Variants in SLCO5A1 observed in about 807,000 individuals in gnomAD.
SLCO5A1 encodes organic anion transporter polypeptide-related protein 4.
In SLCO5A1, 39 loss-of-function variants were observed where a neutral mutation model predicts 65.1. That is an observed-to-expected ratio of 0.60 (90% CI 0.46 to 0.78). The LOEUF (loss-of-function observed/expected upper bound fraction) is 0.78. SLCO5A1 is among the 30% of genes least tolerant of loss of function. The pLI, the probability that SLCO5A1 is intolerant of heterozygous loss-of-function variation, is 0.00. For synonymous variants in SLCO5A1, 438 were observed against 415.7 expected (o/e 1.05, Z -0.65); for missense variants, 1,029 against 1,069.4 (o/e 0.96, Z 0.53).
At chr8:69,821,289 G>A (rs1820626772) in intron 2 of SLCO5A1, among the ~76,000 whole-genome samples, 1 of 152,052 alleles carries the variant, frequency 6.6e-6, no homozygotes, top group African/African-American at 2.4e-5. Flanking sequence ...AACCTGGGAG[G>A]TGGAGGTTGC....
intron 5 of SLCO5A1, among the ~76,000 whole-genome samples, chr8:69,706,285 A>G (rs1814965400): frequency 6.6e-6 from 1 of 152,172 alleles, no homozygotes; most frequent in Admixed American, 6.5e-5. Context: ...TATGAAGAAA[A>G]CCCAGGAGTA....
At chr8:69,697,702 T>C (rs988097194) in intron 6 of SLCO5A1, among the ~76,000 whole-genome samples, 1 of 152,112 alleles carries the variant, frequency 6.6e-6, no homozygotes, top group Non-Finnish European at 1.5e-5. Flanking sequence ...AAAAAAAGTA[T>C]TCTGAAAACT....
chr8:69,682,271 C>G lies in SLCO5A1; in HGVS notation c.1695G>C (p.Glu565Asp). 1.2e-6 allele frequency: 2 copies of G among 1,612,508 alleles called. No individual in the cohort carries two copies. Among genetic ancestry groups the G allele is most frequent in the South Asian group, 1.1e-5 (1 of 90,716 alleles). ...CNVNCGCKIH[E>D]YEPVCGSDGI... ...CATCTGATCCACAGACTGGCTCATA[C>G]TCGTGTATTTTACAACCACAATTAA... is the stretch of plus-strand genomic sequence containing the variant. The change falls in exon 7 of 10, where the codon GAG becomes GAC. Residue 565 changes from glutamate to aspartate, a missense_variant. By Grantham distance (45) the Glu-to-Asp change is conservative (BLOSUM62 2). Around this residue, in one of 3 missense-constraint regions of SLCO5A1, gnomAD observed 124 missense variants for 184.5 expected, o/e 0.67. Transcript: ENST00000260126.
chr8:69,795,334 C>T (rs1819445199), intron 2 of SLCO5A1, among the ~76,000 whole-genome samples: 2 of 152,344 alleles, frequency 1.3e-5, no homozygotes, highest in South Asian at 4.2e-4. Context: ...AAGTTAGTTA[C>T]TTCCAAGACA....
intron 2 of SLCO5A1, among the ~76,000 whole-genome samples, chr8:69,811,171 G>GT (rs1820190178): frequency 6.6e-6 from 1 of 152,136 alleles, no homozygotes; most frequent in Non-Finnish European, 1.5e-5. Context: ...GATCTTGCTG[G>GT]TTGGAGACAT....
intron 2 of SLCO5A1, among the ~76,000 whole-genome samples, chr8:69,819,817 C>T (rs1406504299): frequency 6.6e-6 from 1 of 152,054 alleles, no homozygotes; most frequent in Non-Finnish European, 1.5e-5. Context: ...CAAAAATTTG[C>T]CAGGCATGGT....
chr8:69,705,408 C>A (rs566208982), intron 5 of SLCO5A1, among the ~76,000 whole-genome samples, 179 bp from the exon 6 acceptor site: 1 of 152,158 alleles, frequency 6.6e-6, no homozygotes, highest in Non-Finnish European at 1.5e-5. Context: ...CAATCAACAA[C>A]GGACTCACAT....
chr8:69,698,788 G>A (rs1197690190), intron 6 of SLCO5A1, among the ~76,000 whole-genome samples: 2 of 152,142 alleles, frequency 1.3e-5, no homozygotes, highest in Non-Finnish European at 2.9e-5. Context: ...ATGCTCACAG[G>A]CTCAGAAATA....
chr8:69,776,292 T>A (rs1469946995), intron 2 of SLCO5A1, among the ~76,000 whole-genome samples: 1 of 152,210 alleles, frequency 6.6e-6, no homozygotes. Context: ...GCTATTAATT[T>A]TAATGTTTAT....
At chr8:69,705,400 A>G (rs73279336) in intron 5 of SLCO5A1, among the ~76,000 whole-genome samples, 171 bp from the exon 6 acceptor site, 2 of 152,218 alleles carry the variant, frequency 1.3e-5, no homozygotes. Context: ...AACACATACA[A>G]TCAACAACGG....
At chr8:69,826,740 G>A (rs1357336756) in intron 2 of SLCO5A1, among the ~76,000 whole-genome samples, 7 of 152,216 alleles carry the variant, frequency 4.6e-5, no homozygotes, top group Middle Eastern at 3.4e-3. Context: ...TCAGTGTGGC[G>A]ATTCCTCAGG....
chr8:69,681,979 C>G (rs944536513), intron 7 of SLCO5A1, among the ~76,000 whole-genome samples: 2 of 152,088 alleles, frequency 1.3e-5, no homozygotes, highest in Non-Finnish European at 2.9e-5. Flanking sequence ...ATCCCTGCAC[C>G]CAAATGTTCC....
At chr8:69,824,647 C>A (rs1820791312) in intron 2 of SLCO5A1, among the ~76,000 whole-genome samples, 1 of 152,118 alleles carries the variant, frequency 6.6e-6, no homozygotes, top group African/African-American at 2.4e-5. Flanking sequence ...AGCCTACCAA[C>A]CAAAAAGAGT....
chr8:69,814,708 A>G (rs1221559730), intron 2 of SLCO5A1, among the ~76,000 whole-genome samples: 3 of 152,196 alleles, frequency 2.0e-5, no homozygotes, highest in Non-Finnish European at 4.4e-5. Context: ...CACTTTGTCA[A>G]GGAGATATTT....
intron 3 of SLCO5A1, among the ~76,000 whole-genome samples, chr8:69,758,234 TG>T (rs1817608085): frequency 1.3e-5 from 2 of 152,192 alleles, no homozygotes; most frequent in South Asian, 4.1e-4. Context: ...TCACCCAGGC[TG>T]GAGTGCAGTG....
intron 4 of SLCO5A1, among the ~76,000 whole-genome samples, chr8:69,747,243 T>C (rs1232469747): frequency 6.6e-6 from 1 of 152,170 alleles, no homozygotes; most frequent in Non-Finnish European, 1.5e-5. Flanking sequence ...CACTCAGACA[T>C]CTCTATAAGT....
intron 2 of SLCO5A1, among the ~76,000 whole-genome samples, chr8:69,780,799 T>C (rs1818759641): frequency 6.6e-6 from 1 of 152,092 alleles, no homozygotes; most frequent in Non-Finnish European, 1.5e-5. Context: ...AAAATTATGC[T>C]TGTAACCCAT....
At chr8:69,834,220 C>G (rs1286802716) in intron 1 of SLCO5A1, 2 of 152,822 alleles carry the variant, frequency 1.3e-5, no homozygotes, top group Non-Finnish European at 2.9e-5. Context: ...AGACCCCGCC[C>G]CTAATCTTGG....
At chr8:69,747,719 T>G (rs1424135667) in intron 4 of SLCO5A1, among the ~76,000 whole-genome samples, 1 of 152,194 alleles carries the variant, frequency 6.6e-6, no homozygotes, top group Non-Finnish European at 1.5e-5. Context: ...TTCCATTATC[T>G]CTAATCTTGC....
Sources: allele counts gnomAD v4.1 joint callset (sites outside exome capture counted in the v4.1 genomes callset), GRCh38; gene constraint gnomAD v4.1.1; regional missense constraint gnomAD v4.1.1; transcripts MANE v1.5; gene names NCBI Gene and HGNC (gene_info 2026-07-23, HGNC 2026-07-21).